Variants in ARHGAP15 observed in about 807,000 individuals in gnomAD.
ARHGAP15 encodes the protein Rho GTPase activating protein 15, also known as rho GTPase-activating protein 15.
ARHGAP15 carries 51 observed loss-of-function variants against 63.7 expected under a neutral mutation model. The observed-to-expected ratio is 0.80, with a 90% confidence interval of 0.64 to 1.01. The LOEUF (loss-of-function observed/expected upper bound fraction) is 1.01, where lower values mean the gene tolerates loss of function less well. ARHGAP15 is among the 50% of genes least tolerant of loss of function. ARHGAP15 has a pLI of 0.00. For synonymous variants in ARHGAP15, 191 were observed against 193.8 expected (o/e 0.99, Z 0.12); for missense variants, 560 against 564.6 (o/e 0.99, Z 0.08).
At chr2:143,451,824 C>T (rs934679760) in intron 8 of ARHGAP15, among the ~76,000 whole-genome samples, 5 of 151,868 alleles carry the variant, frequency 3.3e-5, no homozygotes, top group Non-Finnish European at 5.9e-5. Context: ...ATCCAGCCAC[C>T]CACAGTCTTG....
chr2:143,442,258 G>A (rs1689918750), intron 8 of ARHGAP15, among the ~76,000 whole-genome samples: 1 of 152,094 alleles, frequency 6.6e-6, no homozygotes, highest in South Asian at 2.1e-4. Flanking sequence ...GACCTGGTAT[G>A]TTTTCACAAG....
intron 10 of ARHGAP15, among the ~76,000 whole-genome samples, chr2:143,539,145 A>G (rs928427850): frequency 1.3e-5 from 2 of 152,176 alleles, no homozygotes; most frequent in African/African-American, 4.8e-5. Flanking sequence ...CACTTCTTCT[A>G]GATTTTCTAG....
At chr2:143,512,011 C>T (rs1378707231) in intron 9 of ARHGAP15, among the ~76,000 whole-genome samples, 1 of 152,168 alleles carries the variant, frequency 6.6e-6, no homozygotes, top group Non-Finnish European at 1.5e-5. Context: ...CTGTAAATGA[C>T]AGAAACTTGT....
intron 6 of ARHGAP15, among the ~76,000 whole-genome samples, chr2:143,409,129 G>A (rs1688336290): frequency 6.6e-6 from 1 of 151,792 alleles, no homozygotes; most frequent in African/African-American, 2.4e-5. Context: ...ACCTAACCAG[G>A]TGCCACCATG....
chr2:143,578,076 G>T (rs1015425671), intron 11 of ARHGAP15, among the ~76,000 whole-genome samples: 5 of 152,068 alleles, frequency 3.3e-5, no homozygotes, highest in Non-Finnish European at 5.9e-5. Flanking sequence ...TTCAGTAATT[G>T]CTTTGGGAGC....
intron 1 of ARHGAP15, among the ~76,000 whole-genome samples, chr2:143,143,065 T>G (rs1218553696): frequency 1.3e-5 from 2 of 152,128 alleles, no homozygotes; most frequent in African/African-American, 4.8e-5. Context: ...TAATTCAAAT[T>G]ACAGTAGCAC....
rs374769434 is a variant in ARHGAP15 at position 143,155,571 on chromosome 2, A to G, written c.81A>G (p.Arg27=). The change falls in exon 2 of 14, where the codon AGA becomes AGG. Residue 27 remains arginine (R), a synonymous_variant. Transcript: ENST00000295095. ...TRQGTGAVQM[R]IKNANSHHDR... is the part of the protein sequence containing the mutation. ...AAGGCACAGGAGCTGTGCAAATGAGAATCAAAAATGCCAACAGCCACCATG... is the reference window on the plus strand; with the variant it reads ...AAGGCACAGGAGCTGTGCAAATGAGGATCAAAAATGCCAACAGCCACCATG... The G allele has an allele frequency of 6.2e-7, 1 of 1,609,110 alleles. No homozygotes were observed. Among genetic ancestry groups the G allele is most frequent in the African/African-American group, 1.3e-5 (1 of 74,450 alleles).
At chr2:143,217,514 TGAA>T (rs1692801741) in intron 4 of ARHGAP15, among the ~76,000 whole-genome samples, 1 of 152,176 alleles carries the variant, frequency 6.6e-6, no homozygotes, top group Non-Finnish European at 1.5e-5. Flanking sequence ...CACCTTCCCT[TGAA>T]GAGTTCAGGA....
chr2:143,209,513 G>A (rs186131070), intron 3 of ARHGAP15, among the ~76,000 whole-genome samples: 1 of 151,924 alleles, frequency 6.6e-6, no homozygotes, highest in African/African-American at 2.4e-5. Context: ...GTTAAATAAA[G>A]GAAGGCATAA....
At chr2:143,668,250 A>G (rs933479109) in intron 12 of ARHGAP15, among the ~76,000 whole-genome samples, 1 of 151,884 alleles carries the variant, frequency 6.6e-6, no homozygotes, top group Non-Finnish European at 1.5e-5. Context: ...CACTTCCTAA[A>G]GGGTTACCTT....
chr2:143,528,264 C>T (rs1034070867), intron 10 of ARHGAP15, among the ~76,000 whole-genome samples: 10 of 152,024 alleles, frequency 6.6e-5, no homozygotes, highest in Admixed American at 5.9e-4. Flanking sequence ...AGGCTCAGTT[C>T]CCATAACCAC....
At chr2:143,254,264 A>G (rs572498866) in intron 6 of ARHGAP15, among the ~76,000 whole-genome samples, 128 of 152,252 alleles carry the variant, frequency 8.4e-4, no homozygotes, top group Non-Finnish European at 1.6e-3. Flanking sequence ...AACCATGTGA[A>G]AGGATGGCAG....
At chr2:143,467,050 C>T (rs1250876046) in intron 8 of ARHGAP15, among the ~76,000 whole-genome samples, 1 of 151,986 alleles carries the variant, frequency 6.6e-6, no homozygotes, top group African/African-American at 2.4e-5. Flanking sequence ...AGCATCTCTT[C>T]GAAAAATATC....
chr2:143,202,055 T>C (rs1487148205), intron 2 of ARHGAP15, 79 bp from the exon 3 acceptor site: 2 of 1,053,174 alleles, frequency 1.9e-6, no homozygotes, highest in Admixed American at 3.5e-5. Context: ...TAACACTGAA[T>C]TGGTTATTTT....
chr2:143,258,482 T>A (rs546664389), intron 6 of ARHGAP15, among the ~76,000 whole-genome samples: 6 of 152,264 alleles, frequency 3.9e-5, no homozygotes, highest in Admixed American at 2.6e-4. Flanking sequence ...TTATGGCATC[T>A]ATGCATAGAG....
chr2:143,248,898 C>A (rs1027362195), intron 5 of ARHGAP15, among the ~76,000 whole-genome samples: 1 of 152,062 alleles, frequency 6.6e-6, no homozygotes, highest in Non-Finnish European at 1.5e-5. Context: ...CCTTTTTAAC[C>A]CCCTGACTTG....
At chr2:143,441,508 C>G (rs755894987) in intron 8 of ARHGAP15, among the ~76,000 whole-genome samples, 3 of 152,176 alleles carry the variant, frequency 2.0e-5, no homozygotes, top group Non-Finnish European at 2.9e-5. Context: ...TTCATACACA[C>G]ATTAATTCTT....
intron 13 of ARHGAP15, among the ~76,000 whole-genome samples, chr2:143,749,629 C>T (rs1423041130): frequency 6.6e-6 from 1 of 152,198 alleles, no homozygotes; most frequent in Non-Finnish European, 1.5e-5. Flanking sequence ...CAGAGTTTCA[C>T]CCCTTACTAA....
intron 6 of ARHGAP15, among the ~76,000 whole-genome samples, chr2:143,287,355 T>C (rs1368909459): frequency 1.3e-5 from 2 of 152,156 alleles, no homozygotes; most frequent in African/African-American, 4.8e-5. Flanking sequence ...AAATCCATCT[T>C]GTCTTCTGCT....
Sources: allele counts gnomAD v4.1 joint callset (sites outside exome capture counted in the v4.1 genomes callset), GRCh38; gene constraint gnomAD v4.1.1; transcripts MANE v1.5; gene names NCBI Gene and HGNC (gene_info 2026-07-23, HGNC 2026-07-21).